CDH8: variants seen among roughly 807,000 people sequenced by gnomAD.
The protein encoded by CDH8 is cadherin 8, also known as cadherin-8.
A neutral mutation model predicts 68.1 loss-of-function variants in CDH8; 17 were observed. The ratio of observed to expected loss-of-function variants is 0.25; its 90% confidence interval spans 0.17 to 0.37. CDH8 has a LOEUF of 0.37. CDH8 is among the 10% of genes least tolerant of loss of function. CDH8 has a pLI of 1.00. For missense variants in CDH8, 763 were observed against 999.3 expected (o/e 0.76, Z 3.19); for synonymous variants, 372 against 365.1 (o/e 1.02, Z -0.21).
intron 2 of CDH8, among the ~76,000 whole-genome samples, chr16:61,940,020 C>G (rs965388683): frequency 6.6e-6 from 1 of 152,180 alleles, no homozygotes; most frequent in Non-Finnish European, 1.5e-5. Context: ...AAAAGAGGTG[C>G]ATTCCCTTCT....
rs865819141 is a variant in CDH8, at chr16:61,739,940, G to A, written c.1415-12725C>T. Reference sequence around the variant, plus strand: ...ATTTTTTTTTTTGAGACAAAGTCTTGCTCTGTCACCAGGCTGGAATGCAGT... The same window carrying A: ...ATTTTTTTTTTTGAGACAAAGTCTTACTCTGTCACCAGGCTGGAATGCAGT... On this transcript the variant is annotated intron_variant, in intron 8 of 11. Transcript: ENST00000577390. Among the ~76,000 whole-genome samples, 237 of 101,840 alleles carry A rather than the reference G, an allele frequency of 2.3e-3. 2 individuals carry two copies. The highest frequency in any genetic ancestry group is 9.2e-3 in the African/African-American group (232 of 25,290). The allele number at this position is 101,840 out of a possible 152,430, so 66.8% of individuals were successfully genotyped here. A position where few individuals can be genotyped will look rare whatever the true frequency, so the allele number is the denominator to read the frequency against.
At chr16:61,673,420 CTGATA>C (rs377325580) in intron 10 of CDH8, among the ~76,000 whole-genome samples, 23 of 152,148 alleles carry the variant, frequency 1.5e-4, no homozygotes, top group African/African-American at 5.5e-4. Flanking sequence ...TTAAAATAAT[CTGATA>C]TAAGTCAACT....
chr16:61,690,027 C>T (rs892361643), intron 10 of CDH8, among the ~76,000 whole-genome samples: 6 of 151,988 alleles, frequency 3.9e-5, no homozygotes, highest in Non-Finnish European at 7.4e-5. Context: ...ACATTCATAC[C>T]ACAATTCCAT....
intron 8 of CDH8, among the ~76,000 whole-genome samples, chr16:61,749,729 T>C (rs1960111239): frequency 6.6e-6 from 1 of 152,010 alleles, no homozygotes; most frequent in Non-Finnish European, 1.5e-5. Context: ...TGCTCTGAAC[T>C]TCCAAGTTAC....
intron 9 of CDH8, among the ~76,000 whole-genome samples, chr16:61,716,430 G>T (rs1454022316): frequency 6.6e-6 from 1 of 151,608 alleles, no homozygotes; most frequent in Non-Finnish European, 1.5e-5. Context: ...ATTTATTTTA[G>T]CCAGGAACTC....
At chr16:61,812,022 T>G (rs1039567387) in intron 7 of CDH8, among the ~76,000 whole-genome samples, 3 of 152,114 alleles carry the variant, frequency 2.0e-5, no homozygotes, top group African/African-American at 7.2e-5. Context: ...CTTATAAATC[T>G]TATAAGATAG....
chr16:61,834,536 T>C (rs1392230725), intron 4 of CDH8, among the ~76,000 whole-genome samples: 4 of 151,956 alleles, frequency 2.6e-5, no homozygotes, highest in East Asian at 1.9e-4. Flanking sequence ...TCAATATAAA[T>C]TTGTAGGGCA....
At chr16:61,791,484 T>C (rs1361853436) in intron 7 of CDH8, among the ~76,000 whole-genome samples, 1 of 152,036 alleles carries the variant, frequency 6.6e-6, no homozygotes, top group Non-Finnish European at 1.5e-5. Context: ...CTAAAAAATG[T>C]CCAGAGGATT....
At chr16:61,921,257 TAATA>T (rs1567529507) in intron 2 of CDH8, among the ~76,000 whole-genome samples, 1 of 147,186 alleles carries the variant, frequency 6.8e-6, no homozygotes, top group East Asian at 2.1e-4. Context: ...AGTATAATAA[TAATA>T]ATAATAATAA....
intron 3 of CDH8, among the ~76,000 whole-genome samples, chr16:61,865,199 T>C (rs1187925122): frequency 1.3e-5 from 2 of 152,122 alleles, no homozygotes; most frequent in Non-Finnish European, 2.9e-5. Flanking sequence ...CCGAAATGTA[T>C]CCTGTCATTT....
At chr16:61,857,332 T>C in intron 3 of CDH8, 94 bp from the exon 4 acceptor site, 1 of 1,100,190 alleles carries the variant, frequency 9.1e-7, no homozygotes. Flanking sequence ...GAAATCCATG[T>C]GTAGGGAATA....
chr16:61,960,346 C>CGTGTGTGTGT (rs1567546588), intron 2 of CDH8, among the ~76,000 whole-genome samples: 1,423 of 57,976 alleles, frequency 0.025, 478 homozygotes, highest in Admixed American at 0.055. Context: ...CACATATATA[C>CGTGTGTGTGT]ATGTGTGTGT....
chr16:61,695,494 C>T (rs1000543164), intron 10 of CDH8, among the ~76,000 whole-genome samples: 5 of 152,126 alleles, frequency 3.3e-5, no homozygotes, highest in South Asian at 2.1e-4. Context: ...TGATCTGAGG[C>T]CTTGTGAAGA....
At chr16:62,009,697 G>A (rs1474100096) in intron 2 of CDH8, among the ~76,000 whole-genome samples, 5 of 152,250 alleles carry the variant, frequency 3.3e-5, no homozygotes. Context: ...GTGGTTAAAA[G>A]CTCTGCCCAG....
chr16:61,886,814 A>G (rs1212385895), intron 3 of CDH8, among the ~76,000 whole-genome samples: 5 of 152,210 alleles, frequency 3.3e-5, no homozygotes, highest in African/African-American at 1.2e-4. Flanking sequence ...TTTTCCTGGC[A>G]AATACCTGCG....
At chr16:61,865,864 T>C (rs942203621) in intron 3 of CDH8, among the ~76,000 whole-genome samples, 2 of 152,208 alleles carry the variant, frequency 1.3e-5, no homozygotes, top group African/African-American at 4.8e-5. Context: ...ATATCCATAC[T>C]GACTTTGAGA....
intron 10 of CDH8, among the ~76,000 whole-genome samples, chr16:61,657,973 T>C (rs1963481391): frequency 6.6e-6 from 1 of 152,126 alleles, no homozygotes; most frequent in Non-Finnish European, 1.5e-5. Flanking sequence ...CTCTCCTTTC[T>C]ACACGCAGAA....
intron 10 of CDH8, among the ~76,000 whole-genome samples, chr16:61,712,008 A>T (rs1039295125): frequency 2.0e-5 from 3 of 151,758 alleles, no homozygotes; most frequent in African/African-American, 7.2e-5. Flanking sequence ...ACAAAGCAAA[A>T]TAATATGAAA....
intron 4 of CDH8, among the ~76,000 whole-genome samples, chr16:61,837,130 A>T (rs1962585394): frequency 6.6e-6 from 1 of 151,662 alleles, no homozygotes; most frequent in Admixed American, 6.6e-5. Context: ...CTGAAAATAG[A>T]ATTTCCCTCC....
Sources: allele counts gnomAD v4.1 joint callset (sites outside exome capture counted in the v4.1 genomes callset), GRCh38; gene constraint gnomAD v4.1.1; transcripts MANE v1.5; gene names NCBI Gene and HGNC (gene_info 2026-07-23, HGNC 2026-07-21).